The following RSU1 variants were observed in gnomAD, a reference collection of about 807,000 sequenced individuals.
RSU1 encodes Ras suppressor protein 1.
A neutral mutation model predicts 31.1 loss-of-function variants in RSU1; 26 were observed. The observed-to-expected ratio is 0.84, with a 90% CI of 0.61 to 1.16. RSU1 has a LOEUF of 1.16. RSU1 is among the 50% of genes most tolerant of loss of function. RSU1 has a pLI of 0.00. For missense variants in RSU1, 320 were observed against 339.1 expected (o/e 0.94, Z 0.44); for synonymous variants, 164 against 136.3 (o/e 1.20, Z -1.41).
At chr10:16,755,565 G>A (rs531399368) in intron 4 of RSU1, among the ~76,000 whole-genome samples, 43 of 151,878 alleles carry the variant, frequency 2.8e-4, no homozygotes, top group African/African-American at 9.7e-4. Flanking sequence ...TAACACACGC[G>A]CTGCCTCATA....
chr10:16,725,614 T>C (rs1452918491), intron 7 of RSU1, among the ~76,000 whole-genome samples: 3 of 151,828 alleles, frequency 2.0e-5, no homozygotes, highest in African/African-American at 4.8e-5. Context: ...TCATTCCTCT[T>C]GCCCTTCTGC....
At chr10:16,604,790 G>T (rs1833773326) in intron 8 of RSU1, among the ~76,000 whole-genome samples, 1 of 152,136 alleles carries the variant, frequency 6.6e-6, no homozygotes, top group African/African-American at 2.4e-5. Flanking sequence ...GGTCCATCAG[G>T]GTGTCCTGTC....
In RSU1 at chr10:16,806,390, GCTTCCGACGT is replaced by G. The variant is rs531091406; in HGVS notation, c.109+10573_109+10582del. ...CAAAACAGGAGAAGCTGAGAACACT[GCTTCCGACGT>G]CTGCAGGTGTGGCTTCAAATCTGGG... On this transcript the variant is annotated intron_variant, in intron 2 of 8. Coordinates refer to ENST00000345264, the MANE Select transcript of RSU1 (RefSeq NM_012425.4). Among the ~76,000 whole-genome samples, 10 of 152,320 alleles carry G rather than the reference GCTTCCGACGT, an allele frequency of 6.6e-5. No homozygotes were observed. In the South Asian group the frequency reaches 2.1e-3, roughly 32 times the overall value.
At chr10:16,816,588 C>T (rs7904368) in intron 2 of RSU1, among the ~76,000 whole-genome samples, 47,821 of 152,156 alleles carry the variant, frequency 0.31, 10,655 homozygotes, top group African/African-American at 0.64. Flanking sequence ...TGCTTATTAA[C>T]CATGGAACTT....
chr10:16,693,034 C>G (rs1256243211), intron 8 of RSU1, among the ~76,000 whole-genome samples: 3 of 152,166 alleles, frequency 2.0e-5, no homozygotes, highest in Non-Finnish European at 4.4e-5. Context: ...ACGATCTCAG[C>G]TCACTGCAAC....
intron 8 of RSU1, among the ~76,000 whole-genome samples, chr10:16,675,728 T>C (rs1349907458): frequency 6.6e-6 from 1 of 152,150 alleles, no homozygotes; most frequent in African/African-American, 2.4e-5. Context: ...ATGGAGAACA[T>C]CAACATGAAC....
intron 4 of RSU1, among the ~76,000 whole-genome samples, chr10:16,757,080 C>T (rs111229101): frequency 9.6e-6 from 1 of 104,582 alleles, no homozygotes; most frequent in Admixed American, 8.7e-5. Context: ...TGTGTGTGTG[C>T]TGTGGGTGTG....
At position 16,592,670 on chromosome 10, in the gene RSU1, A is replaced by G. The variant is rs903091991; in HGVS notation, c.*724T>C. On this transcript the variant is annotated 3_prime_UTR_variant, in exon 9 of 9. Coordinates refer to ENST00000345264, the MANE Select transcript of RSU1 (RefSeq NM_012425.4). Reference sequence around the variant, plus strand: ...CTACTTTCCAAAATCCTTTGGCAGAATCTCCTAGAGATTTGTTTTTCTGCT... The same window carrying G: ...CTACTTTCCAAAATCCTTTGGCAGAGTCTCCTAGAGATTTGTTTTTCTGCT... The G allele has an allele frequency of 4.6e-5, 7 of 152,178 alleles. No individual in the cohort carries two copies. Among genetic ancestry groups the G allele is most frequent in the African/African-American group, 1.7e-4 (7 of 41,440 alleles). The allele number at this position is 152,178 out of a possible 1,614,324, so 9.4% of individuals were successfully genotyped here. A position where few individuals can be genotyped will look rare whatever the true frequency, so the allele number is the denominator to read the frequency against.
intron 8 of RSU1, among the ~76,000 whole-genome samples, chr10:16,678,559 G>A (rs933539682): frequency 2.6e-5 from 4 of 152,218 alleles, no homozygotes; most frequent in Non-Finnish European, 4.4e-5. Flanking sequence ...ATAGGAGATA[G>A]TGTAGACAAA....
intron 4 of RSU1, among the ~76,000 whole-genome samples, chr10:16,758,657 C>T (rs142786937): frequency 1.2e-3 from 176 of 152,264 alleles, no homozygotes; most frequent in Non-Finnish European, 2.0e-3. Flanking sequence ...AGAAAATATC[C>T]GAAGCACCCA....
At chr10:16,768,480 C>A (rs1028402001) in intron 3 of RSU1, among the ~76,000 whole-genome samples, 1 of 151,236 alleles carries the variant, frequency 6.6e-6, no homozygotes, top group African/African-American at 2.5e-5. Context: ...GCTAGGTTTG[C>A]GGGAACAGTC....
At chr10:16,783,259 T>C (rs2131647654) in intron 2 of RSU1, among the ~76,000 whole-genome samples, 1 of 152,180 alleles carries the variant, frequency 6.6e-6, no homozygotes, top group South Asian at 2.1e-4. Flanking sequence ...TAGAGGTTTT[T>C]CCTTAAACGG....
At chr10:16,700,655 C>T (rs114448337) in intron 7 of RSU1, among the ~76,000 whole-genome samples, 1,969 of 152,286 alleles carry the variant, frequency 0.013, 36 homozygotes, top group African/African-American at 0.045. Context: ...CTGGAAAGTT[C>T]CTACTTTTTC....
chr10:16,810,978 T>C (rs1193677012), intron 2 of RSU1, among the ~76,000 whole-genome samples: 2 of 148,022 alleles, frequency 1.4e-5, no homozygotes, highest in Non-Finnish European at 3.0e-5. Context: ...GGCAAGATCA[T>C]GCCACTGTAG....
At chr10:16,599,179 A>G (rs1264080631) in intron 8 of RSU1, among the ~76,000 whole-genome samples, 1 of 152,222 alleles carries the variant, frequency 6.6e-6, no homozygotes, top group Non-Finnish European at 1.5e-5. Context: ...TTGAAAGACA[A>G]CCTATTCCTT....
chr10:16,711,316 G>A (rs1412296399), intron 7 of RSU1, among the ~76,000 whole-genome samples: 2 of 135,662 alleles, frequency 1.5e-5, no homozygotes, highest in African/African-American at 5.6e-5. Flanking sequence ...CTTAAAGTTT[G>A]TTGATTTTGC....
At chr10:16,597,871 C>T (rs1026329280) in intron 8 of RSU1, among the ~76,000 whole-genome samples, 3 of 152,200 alleles carry the variant, frequency 2.0e-5, no homozygotes, top group Non-Finnish European at 2.9e-5. Flanking sequence ...CGCTGCTGTC[C>T]GCCGCACGAT....
chr10:16,698,873 A>T (rs1835731836), intron 7 of RSU1, among the ~76,000 whole-genome samples: 1 of 152,204 alleles, frequency 6.6e-6, no homozygotes, highest in African/African-American at 2.4e-5. Context: ...GGGGAGTGGC[A>T]AGGAGGGTAC....
At chr10:16,646,428 T>C (rs1156816792) in intron 8 of RSU1, among the ~76,000 whole-genome samples, 1 of 152,246 alleles carries the variant, frequency 6.6e-6, no homozygotes, top group East Asian at 1.9e-4. Flanking sequence ...TGAAACATCA[T>C]TGTTTACAGA....
Sources: allele counts gnomAD v4.1 joint callset (sites outside exome capture counted in the v4.1 genomes callset), GRCh38; gene constraint gnomAD v4.1.1; transcripts MANE v1.5; gene names NCBI Gene and HGNC (gene_info 2026-07-23, HGNC 2026-07-21).